Variants in CTNNA2 observed in about 807,000 individuals in gnomAD.
CTNNA2 encodes catenin alpha-2.
A neutral mutation model predicts 101.0 loss-of-function variants in CTNNA2; 42 were observed. The ratio of observed to expected loss-of-function variants is 0.42; its 90% CI spans 0.32 to 0.54. CTNNA2 has a LOEUF of 0.54. CTNNA2 is among the 20% of genes least tolerant of loss of function. The probability of loss-of-function intolerance (pLI) is 0.14; values close to 1 mark genes in which losing one functional copy is unlikely to be tolerated. For synonymous variants in CTNNA2, 450 were observed against 456.4 expected, an observed-to-expected ratio of 0.99 and a Z score of 0.18; for missense variants, 871 against 1,223.1, an observed-to-expected ratio of 0.71 and a Z score of 4.29.
chr2:80,438,688 G>A (rs1414220652), intron 9 of CTNNA2, among the ~76,000 whole-genome samples: 1 of 151,708 alleles, frequency 6.6e-6, no homozygotes, highest in Non-Finnish European at 1.5e-5. Flanking sequence ...GAACTCTAGA[G>A]TCTGGTCCAG....
intron 7 of CTNNA2, among the ~76,000 whole-genome samples, chr2:80,280,667 A>G (rs1674306810): frequency 6.6e-6 from 1 of 152,098 alleles, no homozygotes; most frequent in Non-Finnish European, 1.5e-5. Flanking sequence ...AGGGTGGTCC[A>G]AAAATGTTCC....
At chr2:79,221,265 C>A (rs1674342024) in intron 2 of CTNNA2, among the ~76,000 whole-genome samples, 1 of 152,186 alleles carries the variant, frequency 6.6e-6, no homozygotes, top group Non-Finnish European at 1.5e-5. Flanking sequence ...GATCTTCCTG[C>A]CTCAGCCAAG....
At chr2:79,383,383 T>C (rs752857368) in intron 4 of CTNNA2, among the ~76,000 whole-genome samples, 11 of 152,182 alleles carry the variant, frequency 7.2e-5, no homozygotes, top group Non-Finnish European at 1.3e-4. Context: ...CCTTGAAGGA[T>C]AGATAGAATT....
At chr2:79,668,342 C>T (rs547923103) in intron 2 of CTNNA2, among the ~76,000 whole-genome samples, 3 of 150,884 alleles carry the variant, frequency 2.0e-5, no homozygotes, top group South Asian at 4.2e-4. Context: ...TTATTTCTAG[C>T]CAGGTGGATT....
At chr2:80,052,195 A>G (rs1194094253) in intron 7 of CTNNA2, among the ~76,000 whole-genome samples, 1 of 152,244 alleles carries the variant, frequency 6.6e-6, no homozygotes, top group African/African-American at 2.4e-5. Flanking sequence ...AGAGTTGTGG[A>G]CATTTATCCC....
chr2:80,380,063 G>A (rs1676357935), intron 7 of CTNNA2, among the ~76,000 whole-genome samples: 1 of 125,360 alleles, frequency 8.0e-6, no homozygotes, highest in African/African-American at 3.2e-5. Flanking sequence ...TTGAGACGGA[G>A]TCTCACTCTG....
rs1324758145 is a variant in CTNNA2, at chr2:80,648,716, A to C, written c.*844A>C. ...AGGCAAATACATAGGTGTAGCTTGG[A>C]GTGCTGGTATCTAATATACCATTGT... On this transcript the variant is annotated 3_prime_UTR_variant, in exon 19 of 19. Transcript: ENST00000402739. The C allele has an allele frequency of 6.6e-6, 1 of 152,144 alleles. No homozygotes were observed. The allele number at this position is 152,144 out of a possible 1,614,324, so 9.4% of individuals were successfully genotyped here. A position where few individuals can be genotyped will look rare whatever the true frequency, so the allele number is the denominator to read the frequency against.
In CTNNA2 at chr2:80,483,676, A is replaced by T. The variant is rs1295377628; in HGVS notation, c.1291-61306A>T. Among the ~76,000 whole-genome samples, 3 of 152,312 alleles carry T rather than the reference A, an allele frequency of 2.0e-5. No homozygotes were observed. The East Asian group carries it at 5.8e-4, about 29-fold the overall frequency. ...TGAACTAAGGAGAATGGTGGAAGAC[A>T]CAACTCTTTACCAAAAACTTATTTT... On this transcript the variant is annotated intron_variant, in intron 9 of 18. Transcript: ENST00000402739.
At chr2:79,188,810 A>G (rs906607916) in intron 1 of CTNNA2, among the ~76,000 whole-genome samples, 7 of 152,222 alleles carry the variant, frequency 4.6e-5, no homozygotes, top group Non-Finnish European at 8.8e-5. Context: ...AAAGACGTTT[A>G]TGCTTGCTCA....
intron 18 of CTNNA2, among the ~76,000 whole-genome samples, chr2:80,642,972 C>T (rs1210915738): frequency 1.3e-5 from 2 of 152,142 alleles, no homozygotes; most frequent in African/African-American, 2.4e-5. Context: ...GAAAAAAAGA[C>T]AATGTCCTAT....
chr2:79,797,857 C>T (rs776364826), intron 3 of CTNNA2, among the ~76,000 whole-genome samples: 1 of 151,882 alleles, frequency 6.6e-6, no homozygotes, highest in Non-Finnish European at 1.5e-5. Context: ...TTGCACTGTT[C>T]TCTGGGGTGG....
intron 7 of CTNNA2, among the ~76,000 whole-genome samples, chr2:79,938,959 C>T (rs1489617427): frequency 6.6e-6 from 1 of 152,178 alleles, no homozygotes; most frequent in Non-Finnish European, 1.5e-5. Flanking sequence ...CTATCACTGA[C>T]AGACAATGCC....
At chr2:80,105,750 G>A (rs1700848104) in intron 7 of CTNNA2, among the ~76,000 whole-genome samples, 1 of 151,844 alleles carries the variant, frequency 6.6e-6, no homozygotes, top group South Asian at 2.1e-4. Flanking sequence ...AAAAAAGATT[G>A]AACTTAAAAT....
chr2:79,441,313 T>A (rs941281011), intron 4 of CTNNA2, among the ~76,000 whole-genome samples: 1 of 152,178 alleles, frequency 6.6e-6, no homozygotes, highest in Non-Finnish European at 1.5e-5. Context: ...GCAATATGTA[T>A]CATCTCTACA....
At chr2:80,323,674 C>A (rs1678950283) in intron 7 of CTNNA2, among the ~76,000 whole-genome samples, 1 of 151,908 alleles carries the variant, frequency 6.6e-6, no homozygotes, top group Non-Finnish European at 1.5e-5. Flanking sequence ...TTTTTCTCCT[C>A]CTCCTCCTCC....
At chr2:79,783,741 C>T (rs1674628017) in intron 3 of CTNNA2, among the ~76,000 whole-genome samples, 1 of 152,172 alleles carries the variant, frequency 6.6e-6, no homozygotes, top group South Asian at 2.1e-4. Context: ...TCAAAATGCA[C>T]ACACATACAT....
At chr2:79,965,827 C>CAAAAAAAAAAAAAAAAAAAAAAACAA (rs10686940) in intron 7 of CTNNA2, among the ~76,000 whole-genome samples, 1 of 77,996 alleles carries the variant, frequency 1.3e-5, no homozygotes, top group Non-Finnish European at 2.4e-5. Context: ...GAGACTATGT[C>CAAAAAAAAAAAAAAAAAAAAAAACAA]AAAAAAAAAA....
chr2:79,762,010 T>C (rs1672818870), intron 3 of CTNNA2, among the ~76,000 whole-genome samples: 1 of 152,200 alleles, frequency 6.6e-6, no homozygotes, highest in Non-Finnish European at 1.5e-5. Flanking sequence ...AGCCCCATTG[T>C]ATTCTGTTTG....
At chr2:80,211,060 G>A (rs1346580230) in intron 7 of CTNNA2, among the ~76,000 whole-genome samples, 4 of 152,088 alleles carry the variant, frequency 2.6e-5, no homozygotes, top group Admixed American at 2.6e-4. Context: ...TTTTGATGGG[G>A]TTGTTTGATT....
Sources: allele counts gnomAD v4.1 joint callset (sites outside exome capture counted in the v4.1 genomes callset), GRCh38; gene constraint gnomAD v4.1.1; transcripts MANE v1.5; gene names NCBI Gene and HGNC (gene_info 2026-07-23, HGNC 2026-07-21).